DOCK10: variants seen among roughly 807,000 people sequenced by gnomAD.
The protein encoded by DOCK10 is dedicator of cytokinesis protein 10.
Under a neutral mutation model 280.1 loss-of-function variants are expected in DOCK10, and 145 were observed. The ratio of observed to expected loss-of-function variants is 0.52; its 90% CI spans 0.45 to 0.59. The LOEUF (loss-of-function observed/expected upper bound fraction) is 0.59, where lower values mean the gene tolerates loss of function less well. Ranked by LOEUF, DOCK10 falls within the 20% of genes least tolerant of loss-of-function variation. DOCK10 has a pLI of 0.00. For missense variants in DOCK10, 2,368 were observed against 2,651.7 expected (o/e 0.89, Z 2.35); for synonymous variants, 915 against 942.2 (o/e 0.97, Z 0.53).
chr2:224,959,728 T>A (rs768654205), intron 1 of DOCK10, among the ~76,000 whole-genome samples: 9 of 152,232 alleles, frequency 5.9e-5, no homozygotes, highest in Non-Finnish European at 1.0e-4. Context: ...AATATTCAGT[T>A]ATGTATTTTT....
At chr2:225,028,591 GA>G (rs1689985587) in intron 1 of DOCK10, among the ~76,000 whole-genome samples, 1 of 152,200 alleles carries the variant, frequency 6.6e-6, no homozygotes, top group Non-Finnish European at 1.5e-5. Context: ...TGCAGCAACA[GA>G]AATCTATTAA....
chr2:224,909,503 C>T (rs1391852816), intron 3 of DOCK10, among the ~76,000 whole-genome samples: 1 of 152,104 alleles, frequency 6.6e-6, no homozygotes, highest in Admixed American at 6.6e-5. Flanking sequence ...GATACGTTCC[C>T]TTGTGAGGAG....
Position 224,814,306 on chromosome 2 carries a change from G to A in DOCK10, c.3409+14C>T, listed in dbSNP as rs1382724288. On this transcript the variant is annotated intron_variant, in intron 31 of 55. Coordinates refer to ENST00000258390, the MANE Select transcript of DOCK10 (RefSeq NM_014689.3). ...AGGTGGTTACTGATGCTTAGGTAAG[G>A]TAATATCACTTACCTGATGCATGTA... 4.0e-6 allele frequency: 6 copies of A among 1,503,546 alleles called. No individual in the cohort carries two copies. The highest frequency in any genetic ancestry group is 4.5e-6 in the Non-Finnish European group (5 of 1,119,502). The allele number at this position is 1,503,546 out of a possible 1,614,324, so 93.1% of individuals were successfully genotyped here.
chr2:225,015,150 A>G (rs1689555705), intron 1 of DOCK10, among the ~76,000 whole-genome samples: 1 of 152,200 alleles, frequency 6.6e-6, no homozygotes, highest in African/African-American at 2.4e-5. Flanking sequence ...CATGTTACAA[A>G]GTTTGTAATA....
chr2:224,796,215 C>T (rs914888496), intron 44 of DOCK10, 101 bp downstream of exon 44: 1 of 781,388 alleles, frequency 1.3e-6, no homozygotes, highest in Non-Finnish European at 2.1e-6. Context: ...AGGCGTGAAC[C>T]ACTGTACCCA....
intron 19 of DOCK10, among the ~76,000 whole-genome samples, chr2:224,848,096 C>T (rs1696483811): frequency 6.6e-6 from 1 of 152,164 alleles, no homozygotes; most frequent in African/African-American, 2.4e-5. Context: ...TGGGCAGCCT[C>T]TGGAAGCTGG....
At chr2:225,016,919 C>T (rs886502443) in intron 1 of DOCK10, among the ~76,000 whole-genome samples, 2 of 151,734 alleles carry the variant, frequency 1.3e-5, no homozygotes, top group Non-Finnish European at 1.5e-5. Context: ...TACGGGGTTT[C>T]GCCATGTTGG....
chr2:224,824,246 C>T (rs1441878533), intron 27 of DOCK10, among the ~76,000 whole-genome samples: 1 of 151,964 alleles, frequency 6.6e-6, no homozygotes, highest in Non-Finnish European at 1.5e-5. Flanking sequence ...TTAAGAGACA[C>T]CAGTGGGACC....
rs578031858 is a variant in DOCK10, at chr2:224,987,964, A to T, written c.123+54288T>A. 2.6e-5 allele frequency among the ~76,000 whole-genome samples: 4 copies of T among 152,320 alleles called. No homozygotes were observed. In the East Asian group the frequency reaches 7.7e-4, roughly 29 times the overall value. On this transcript the variant is annotated intron_variant, in intron 1 of 55. Coordinates refer to ENST00000258390, the MANE Select transcript of DOCK10 (RefSeq NM_014689.3). Reference sequence around the variant, plus strand: ...TCACCTAACCTCTCTAAGCCTCAATAGTATCTGCGGTAAAATGGAGATCAT... The same window carrying T: ...TCACCTAACCTCTCTAAGCCTCAATTGTATCTGCGGTAAAATGGAGATCAT...
intron 1 of DOCK10, among the ~76,000 whole-genome samples, chr2:224,988,993 G>T (rs896007257): frequency 2.0e-5 from 3 of 152,148 alleles, no homozygotes; most frequent in African/African-American, 7.2e-5. Context: ...AGGCTACTTT[G>T]GGTCCAATTA....
chr2:224,846,444 T>G (rs779394720), intron 19 of DOCK10, among the ~76,000 whole-genome samples: 6 of 151,804 alleles, frequency 4.0e-5, no homozygotes, highest in South Asian at 2.1e-4. Flanking sequence ...TTGCATTTGT[T>G]GCCCAGACTA....
At chr2:224,774,860 T>C in intron 52 of DOCK10, 45 bp downstream of exon 52, 2 of 1,532,486 alleles carry the variant, frequency 1.3e-6, no homozygotes, top group Non-Finnish European at 8.9e-7. Context: ...AAGGGGCCTG[T>C]GCTGGAACAG....
intron 1 of DOCK10, among the ~76,000 whole-genome samples, chr2:224,948,312 A>G (rs1015835421): frequency 1.2e-4 from 18 of 152,228 alleles, no homozygotes; most frequent in African/African-American, 4.3e-4. Context: ...GCATGATGCT[A>G]TAAAATGACA....
intron 1 of DOCK10, among the ~76,000 whole-genome samples, chr2:224,944,520 A>G (rs556014222): frequency 3.9e-4 from 59 of 152,352 alleles, no homozygotes; most frequent in Non-Finnish European, 7.8e-4. Flanking sequence ...CTAATAAGCA[A>G]TCTTAACGCA....
chr2:224,874,132 T>G lies in DOCK10; in HGVS notation c.1121A>C (p.Lys374Thr), dbSNP rs1295056689. 1.3e-6 allele frequency: 2 copies of G among 1,596,478 alleles called. No individual in the cohort carries two copies. The highest frequency in any genetic ancestry group is 1.7e-6 in the Non-Finnish European group (2 of 1,171,858). ...CACAGACTCAGGTTCCAAGAGATCT[T>G]TTTTTTGAAGTTTCAAGGTCTAAAA... is the stretch of plus-strand genomic sequence containing the variant. Reference protein sequence around the residue: ...PDIDTLKLQKKDLLEPESVIK... With the variant: ...PDIDTLKLQKTDLLEPESVIK... Residue 374 changes from lysine to threonine, a missense_variant, in exon 11 of 56, where the codon AAA becomes ACA. By Grantham distance (78) the Lys-to-Thr change is moderately conservative. Around this residue, in one of 2 missense-constraint regions of DOCK10, gnomAD observed 1,209 missense variants for 1,250.9 expected, o/e 0.97. Coordinates refer to ENST00000258390, the MANE Select transcript of DOCK10 (RefSeq NM_014689.3).
At chr2:224,994,399 G>C (rs909516257) in intron 1 of DOCK10, among the ~76,000 whole-genome samples, 2 of 152,192 alleles carry the variant, frequency 1.3e-5, no homozygotes, top group Non-Finnish European at 1.5e-5. Context: ...GGTTTAGCAT[G>C]GTGCCAGGAA....
chr2:224,869,646 A>G (rs1489231591), intron 11 of DOCK10, among the ~76,000 whole-genome samples: 1 of 152,228 alleles, frequency 6.6e-6, no homozygotes, highest in Non-Finnish European at 1.5e-5. Flanking sequence ...CTGTAAAATG[A>G]AAAACAACAC....
At chr2:224,898,717 C>T (rs908832133) in intron 3 of DOCK10, among the ~76,000 whole-genome samples, 1 of 152,164 alleles carries the variant, frequency 6.6e-6, no homozygotes, top group Non-Finnish European at 1.5e-5. Context: ...GCCAGGACTA[C>T]AGGTGCCCGC....
Position 224,795,096 on chromosome 2 carries a change from T to A in DOCK10, c.4939-2A>T, listed in dbSNP as rs1692473053. ...CACCTCTGCTGGGAAATTGCTGTTC[T>A]TTGGAAAAGAGAGAGCCTGGGTCAT... On this transcript the variant is annotated splice_acceptor_variant, in intron 44 of 55. Transcript: ENST00000258390. LOFTEE classifies it high-confidence loss of function. 6.2e-7 allele frequency: 1 copy of A among 1,613,388 alleles called. No homozygotes were observed. Among genetic ancestry groups the A allele is most frequent in the African/African-American group, 1.3e-5 (1 of 74,908 alleles).
Sources: gnomAD v4.1 joint callset for allele counts (sites outside exome capture counted in the v4.1 genomes callset) on GRCh38, gnomAD v4.1.1 for gene constraint, gnomAD v4.1.1 regional missense constraint, MANE v1.5 for transcripts, NCBI Gene and HGNC (gene_info 2026-07-23, HGNC 2026-07-21) for gene names.